The following AOPEP variants were observed in gnomAD, a reference collection of about 807,000 sequenced individuals.
AOPEP encodes the protein aminopeptidase O (putative).
In AOPEP, 77 loss-of-function variants were observed where a neutral mutation model predicts 98.1. That is an observed-to-expected ratio of 0.78 (90% CI 0.65 to 0.95). The LOEUF is 0.95. Ranked by LOEUF, AOPEP falls within the 40% of genes least tolerant of loss-of-function variation. The pLI is 0.00. For missense variants in AOPEP, 1,024 were observed against 1,024.7 expected, an observed-to-expected ratio of 1.00 and a Z score of 0.01; for synonymous variants, 346 against 365.3, an observed-to-expected ratio of 0.95 and a Z score of 0.60.
At chr9:95,032,266 T>TG (rs1301491272) in intron 13 of AOPEP, among the ~76,000 whole-genome samples, 1 of 152,168 alleles carries the variant, frequency 6.6e-6, no homozygotes, top group Non-Finnish European at 1.5e-5. Flanking sequence ...CCTCTTGGCT[T>TG]GAGTGCTGTG....
At position 95,083,600 on chromosome 9, in the gene AOPEP, G is replaced by T. The variant is rs1429614348; in HGVS notation, c.*4+881G>T. On this transcript the variant is annotated intron_variant, in intron 16 of 16. Transcript: ENST00000375315. The stretch of plus-strand genomic sequence containing the variant: ...ACAACACAGAGCACACACAGCACAT[G>T]CACCACACGTAGCGCGCACACTGCA... 2.1e-5 allele frequency among the ~76,000 whole-genome samples: 3 copies of T among 145,864 alleles called. No individual in the cohort carries two copies. In the East Asian group the frequency reaches 6.1e-4, roughly 30 times the overall value.
At chr9:95,086,373 C>A (rs116563735) in intron 16 of AOPEP, 1 of 985,298 alleles carries the variant, frequency 1.0e-6, no homozygotes, top group Admixed American at 6.1e-5. Flanking sequence ...AGCTCTCCCA[C>A]GGCGAGGTGA....
intron 5 of AOPEP, among the ~76,000 whole-genome samples, chr9:94,877,106 C>T (rs184937192): frequency 6.6e-6 from 1 of 152,188 alleles, no homozygotes; most frequent in Non-Finnish European, 1.5e-5. Context: ...TTATTTTGGC[C>T]TCTGATCCTA....
At chr9:95,051,151 G>A (rs1355698966) in intron 13 of AOPEP, among the ~76,000 whole-genome samples, 7 of 148,110 alleles carry the variant, frequency 4.7e-5, no homozygotes, top group African/African-American at 1.8e-4. Context: ...GTGCAATGGC[G>A]TGATCTCGAC....
At chr9:95,138,084 C>T in the AOPEP span, among the ~76,000 whole-genome samples, 4 of 152,238 alleles carry the variant, frequency 2.6e-5, no homozygotes, top group African/African-American at 9.6e-5. Flanking sequence ...GATGCTGTTT[C>T]GCTTGCACTT....
chr9:95,003,683 G>A (rs1564507708), intron 11 of AOPEP, among the ~76,000 whole-genome samples: 1 of 152,128 alleles, frequency 6.6e-6, no homozygotes, highest in Non-Finnish European at 1.5e-5. Flanking sequence ...AATTGTATAT[G>A]ATGGCTGTAC....
intron 5 of AOPEP, among the ~76,000 whole-genome samples, chr9:94,854,376 G>A (rs947296318): frequency 6.6e-4 from 101 of 152,178 alleles, no homozygotes; most frequent in African/African-American, 2.4e-3. Flanking sequence ...ACTGAACAGT[G>A]TCTCTAAAGG....
intron 11 of AOPEP, among the ~76,000 whole-genome samples, chr9:95,004,813 G>A (rs1410287900): frequency 6.8e-6 from 1 of 147,228 alleles, no homozygotes; most frequent in African/African-American, 2.4e-5. Context: ...CGGAGCCCGG[G>A]AGCGGGAGCA....
At chr9:94,953,524 AG>A (rs979853719) in intron 7 of AOPEP, among the ~76,000 whole-genome samples, 4 of 152,158 alleles carry the variant, frequency 2.6e-5, no homozygotes, top group Non-Finnish European at 4.4e-5. Context: ...GGCCCTTGCT[AG>A]GGGCTTTGCA....
rs193012471 is a variant in AOPEP at position 94,758,470 on chromosome 9, A to T, written c.-135-1179A>T. ...GGATATTAACCTAGAATGAGATTCTAGAAGGAAAGGAAATAAAAGGGTCTA... is the reference window on the plus strand; with the variant it reads ...GGATATTAACCTAGAATGAGATTCTTGAAGGAAAGGAAATAAAAGGGTCTA... On this transcript the variant is annotated intron_variant, in intron 1 of 16. Coordinates refer to ENST00000375315, the MANE Select transcript of AOPEP (RefSeq NM_001193329.3). Among the ~76,000 whole-genome samples the T allele has an allele frequency of 2.6e-5, 4 of 152,354 alleles. No homozygotes were observed. The East Asian group carries it at 7.7e-4, about 29-fold the overall frequency.
At chr9:94,886,454 T>G (rs953802819) in intron 5 of AOPEP, among the ~76,000 whole-genome samples, 15 of 152,374 alleles carry the variant, frequency 9.8e-5, no homozygotes, top group African/African-American at 3.6e-4. Context: ...TGAAGAAGAT[T>G]GTCACACTAG....
Position 95,070,305 on chromosome 9 carries a change from T to C in AOPEP, c.2232+9495T>C, listed in dbSNP as rs557663312. 9.2e-5 allele frequency among the ~76,000 whole-genome samples: 14 copies of C among 152,372 alleles called. No individual in the cohort carries two copies. In the East Asian group the frequency reaches 2.7e-3, roughly 29 times the overall value. ...GTTTGTTTATTGCAGGGTAGACTTA[T>C]TAACTTAGAAGAGCCATGAGCCCTG... is the stretch of plus-strand genomic sequence containing the variant. On this transcript the variant is annotated intron_variant, in intron 14 of 16. Coordinates refer to ENST00000375315, the MANE Select transcript of AOPEP (RefSeq NM_001193329.3).
At chr9:94,743,259 A>AGAG (rs1833681893) in intron 1 of AOPEP, among the ~76,000 whole-genome samples, 1 of 151,284 alleles carries the variant, frequency 6.6e-6, no homozygotes, top group African/African-American at 2.4e-5. Context: ...AAGAGGAAGA[A>AGAG]GAAGAAGAAG....
intron 14 of AOPEP, among the ~76,000 whole-genome samples, chr9:95,061,421 C>G (rs1008388148): frequency 2.0e-5 from 3 of 152,188 alleles, no homozygotes; most frequent in Non-Finnish European, 4.4e-5. Flanking sequence ...CAGAAAACCT[C>G]TTTTATATAA....
chr9:94,813,533 G>A (rs560581195), intron 5 of AOPEP, among the ~76,000 whole-genome samples: 3 of 152,292 alleles, frequency 2.0e-5, no homozygotes, highest in East Asian at 3.9e-4. Context: ...ACCAGCCTGT[G>A]CTAAGACCTG....
intron 1 of AOPEP, among the ~76,000 whole-genome samples, chr9:94,753,745 T>G (rs1393591088): frequency 6.6e-6 from 1 of 152,140 alleles, no homozygotes; most frequent in Non-Finnish European, 1.5e-5. Flanking sequence ...TCCAGAGCAG[T>G]TAAAAATGAA....
intron 1 of AOPEP, among the ~76,000 whole-genome samples, chr9:94,752,630 C>A (rs764215372): frequency 5.2e-4 from 79 of 152,234 alleles, no homozygotes; most frequent in Middle Eastern, 3.4e-3. Flanking sequence ...CCCATGGACT[C>A]CTCCTAAAAT....
At chr9:94,888,357 G>C (rs1285378770) in intron 5 of AOPEP, among the ~76,000 whole-genome samples, 2 of 148,574 alleles carry the variant, frequency 1.3e-5, no homozygotes, top group Non-Finnish European at 3.0e-5. Flanking sequence ...AATAATTATA[G>C]AGTCACAGAA....
At chr9:95,037,300 ATTCT>A (rs1267420224) in intron 13 of AOPEP, among the ~76,000 whole-genome samples, 1 of 152,050 alleles carries the variant, frequency 6.6e-6, no homozygotes, top group Non-Finnish European at 1.5e-5. Context: ...TTCTGAAGTC[ATTCT>A]TTATTTCAGC....
Sources: allele counts gnomAD v4.1 joint callset (sites outside exome capture counted in the v4.1 genomes callset), GRCh38; gene constraint gnomAD v4.1.1; transcripts MANE v1.5; gene names NCBI Gene and HGNC (gene_info 2026-07-23, HGNC 2026-07-21).